The following OSBPL8 variants were observed in gnomAD, a reference collection of about 807,000 sequenced individuals.
OSBPL8 encodes oxysterol-binding protein-related protein 8.
Under a neutral mutation model 125.5 loss-of-function variants are expected in OSBPL8, and 59 were observed. That is an observed-to-expected ratio of 0.47 (90% CI 0.38 to 0.58). The LOEUF (loss-of-function observed/expected upper bound fraction) is 0.58, where lower values mean the gene tolerates loss of function less well. OSBPL8 is among the 20% of genes least tolerant of loss of function. The pLI is 0.00. For synonymous variants in OSBPL8, 330 were observed against 338.9 expected, an observed-to-expected ratio of 0.97 and a Z score of 0.29; for missense variants, 758 against 1,047.8, an observed-to-expected ratio of 0.72 and a Z score of 3.82.
intron 15 of OSBPL8, among the ~76,000 whole-genome samples, chr12:76,379,351 T>C (rs781214803): frequency 2.0e-5 from 3 of 152,204 alleles, no homozygotes; most frequent in Non-Finnish European, 4.4e-5. Context: ...TTCTCCTGTA[T>C]GCATTTTCTC....
intron 1 of OSBPL8, among the ~76,000 whole-genome samples, chr12:76,495,490 T>A (rs1324172521): frequency 6.6e-6 from 1 of 152,240 alleles, no homozygotes; most frequent in East Asian, 1.9e-4. Context: ...TGGGGGAAAC[T>A]GCATAGTACT....
intron 4 of OSBPL8, among the ~76,000 whole-genome samples, chr12:76,435,954 A>G (rs1184592560): frequency 6.6e-6 from 1 of 152,190 alleles, no homozygotes; most frequent in Non-Finnish European, 1.5e-5. Flanking sequence ...TTTCTTCTCT[A>G]TAACTAAGCT....
chr12:76,462,167 C>T (rs1874822939), intron 2 of OSBPL8, among the ~76,000 whole-genome samples: 1 of 152,166 alleles, frequency 6.6e-6, no homozygotes, highest in South Asian at 2.1e-4. Flanking sequence ...AGTTCATCTT[C>T]TATTTAAAGA....
At position 76,353,771 on chromosome 12, in the gene OSBPL8, C is replaced by G. The variant is rs2136104951; in HGVS notation, c.*2118G>C. The stretch of plus-strand genomic sequence containing the variant: ...ATGCATGCTTTTAGTGTATAAAGAA[C>G]AGTCATGAATAACTCTGCTCTTTCT... On this transcript the variant is annotated 3_prime_UTR_variant, in exon 24 of 24. Coordinates refer to ENST00000261183, the MANE Select transcript of OSBPL8 (RefSeq NM_020841.5). 6.6e-6 allele frequency: 1 copy of G among 152,462 alleles called. No individual in the cohort carries two copies. The highest frequency in any genetic ancestry group is 1.9e-4 in the East Asian group (1 of 5,188). The allele number at this position is 152,462 out of a possible 1,614,324, so 9.4% of individuals were successfully genotyped here.
chr12:76,494,614 T>C (rs1250327513), intron 1 of OSBPL8, among the ~76,000 whole-genome samples: 2 of 152,004 alleles, frequency 1.3e-5, no homozygotes, highest in Non-Finnish European at 2.9e-5. Context: ...GAATATGGCG[T>C]GAGGATGAGA....
chr12:76,409,727 T>A (rs1437876784), intron 5 of OSBPL8, among the ~76,000 whole-genome samples: 1 of 152,184 alleles, frequency 6.6e-6, no homozygotes, highest in Non-Finnish European at 1.5e-5. Flanking sequence ...AAAGTGGGAA[T>A]AATATTTATG....
intron 11 of OSBPL8, 117 bp from the exon 12 acceptor site, chr12:76,389,946 A>T (rs1347371123): frequency 4.1e-6 from 3 of 739,072 alleles, no homozygotes; most frequent in Non-Finnish European, 5.8e-6. Context: ...GCATTCTTTA[A>T]ATGTGGAAAC....
chr12:76,442,708 C>T (rs576452313), intron 4 of OSBPL8, among the ~76,000 whole-genome samples: 1 of 152,200 alleles, frequency 6.6e-6, no homozygotes, highest in East Asian at 1.9e-4. Flanking sequence ...TGTGTACAGT[C>T]CCACATATGT....
chr12:76,539,317 T>A (rs1268972904), intron 1 of OSBPL8, among the ~76,000 whole-genome samples: 1 of 152,114 alleles, frequency 6.6e-6, no homozygotes, highest in African/African-American at 2.4e-5. Context: ...AAGTAAAATT[T>A]TTAAGTGTTT....
chr12:76,500,636 C>T (rs1217081437), intron 1 of OSBPL8, among the ~76,000 whole-genome samples: 1 of 152,128 alleles, frequency 6.6e-6, no homozygotes, highest in African/African-American at 2.4e-5. Flanking sequence ...GTTTCTTGCC[C>T]TGAATGAGTG....
chr12:76,428,106 A>G (rs75396392), intron 4 of OSBPL8, among the ~76,000 whole-genome samples: 2,841 of 152,196 alleles, frequency 0.019, 40 homozygotes, highest in Admixed American at 0.027. Flanking sequence ...ATTCCTTAAC[A>G]TTAAAAAATA....
intron 2 of OSBPL8, among the ~76,000 whole-genome samples, chr12:76,467,251 C>T (rs1025875713): frequency 6.6e-6 from 1 of 152,136 alleles, no homozygotes; most frequent in African/African-American, 2.4e-5. Flanking sequence ...ATGGCCATTA[C>T]CAGTGCTCAG....
intron 1 of OSBPL8, among the ~76,000 whole-genome samples, chr12:76,539,824 G>A (rs910912551): frequency 5.3e-5 from 8 of 152,168 alleles, no homozygotes; most frequent in South Asian, 2.1e-4. Flanking sequence ...TGAGCAGGCC[G>A]TAAGTGCCAT....
At chr12:76,511,832 G>A (rs377731710) in intron 1 of OSBPL8, among the ~76,000 whole-genome samples, 5 of 152,074 alleles carry the variant, frequency 3.3e-5, no homozygotes, top group East Asian at 3.9e-4. Flanking sequence ...TACCTAGGTC[G>A]TCTGCCAGGG....
chr12:76,382,648 T>G (rs2136250606), intron 15 of OSBPL8, among the ~76,000 whole-genome samples: 2 of 152,244 alleles, frequency 1.3e-5, no homozygotes, highest in Middle Eastern at 6.8e-3. Flanking sequence ...TTTGGGAGGC[T>G]GAGGCGGGTG....
intron 4 of OSBPL8, among the ~76,000 whole-genome samples, chr12:76,442,182 G>A (rs116049757): frequency 0.01 from 1,562 of 152,120 alleles, 36 homozygotes; most frequent in African/African-American, 0.036. Context: ...TAAGACAGCT[G>A]CCCCCTATCT....
rs1053952438 is a variant in OSBPL8 at position 76,390,343 on chromosome 12, AAAT to A, written c.1167+74_1167+76del. The A allele has an allele frequency of 1.2e-5, 13 of 1,101,164 alleles. No individual in the cohort carries two copies. In the African/African-American group the frequency reaches 1.7e-4, roughly 15 times the overall value. 68.2% of individuals were successfully genotyped at this position (1,101,164 alleles called of 1,614,324 possible). A position where few individuals can be genotyped will look rare whatever the true frequency, so the allele number is the denominator to read the frequency against. On this transcript the variant is annotated intron_variant, in intron 11 of 23. Coordinates refer to ENST00000261183, the MANE Select transcript of OSBPL8 (RefSeq NM_020841.5). The stretch of plus-strand genomic sequence containing the variant: ...CAGAAAAATAGGCAATAGATCAAGC[AAAT>A]AATATCTTCAATTTCATTTAAGAAT...
rs1951900854 is a variant in OSBPL8, at chr12:76,353,915, T to C, written c.*1974A>G. 1 of 152,472 alleles carries C rather than the reference T, an allele frequency of 6.6e-6. No individual in the cohort carries two copies. The highest frequency in any genetic ancestry group is 2.1e-4 in the South Asian group (1 of 4,826). 9.4% of individuals were successfully genotyped at this position (152,472 alleles called of 1,614,324 possible). On this transcript the variant is annotated 3_prime_UTR_variant, in exon 24 of 24. Coordinates refer to ENST00000261183, the MANE Select transcript of OSBPL8 (RefSeq NM_020841.5). The stretch of plus-strand genomic sequence containing the variant: ...TTAGAAGATACCCATACAAATAAAA[T>C]ATTATTTGGACCAAATGAAAACAAC...
At chr12:76,479,590 A>G (rs770902441) in intron 2 of OSBPL8, among the ~76,000 whole-genome samples, 23 of 152,198 alleles carry the variant, frequency 1.5e-4, no homozygotes, top group Non-Finnish European at 2.4e-4. Context: ...TGACGGTTAC[A>G]TACAACACCA....
Sources: allele counts gnomAD v4.1 joint callset (sites outside exome capture counted in the v4.1 genomes callset), GRCh38; gene constraint gnomAD v4.1.1; transcripts MANE v1.5; gene names NCBI Gene and HGNC (gene_info 2026-07-23, HGNC 2026-07-21).